Variants in TAOK1 observed in about 807,000 individuals in gnomAD.
TAOK1 encodes the protein TAO kinase 1, also known as serine/threonine-protein kinase TAO1.
Under a neutral mutation model 138.3 loss-of-function variants are expected in TAOK1, and 21 were observed. That is an observed-to-expected ratio of 0.15 (90% CI 0.11 to 0.22). The LOEUF is 0.22. TAOK1 is among the 10% of genes least tolerant of loss of function. The probability of loss-of-function intolerance (pLI) is 1.00; values close to 1 mark genes in which losing one functional copy is unlikely to be tolerated. For missense variants in TAOK1, 651 were observed against 1,227.7 expected, an observed-to-expected ratio of 0.53 and a Z score of 7.02; for synonymous variants, 361 against 398.4, an observed-to-expected ratio of 0.91 and a Z score of 1.12.
intron 1 of TAOK1, among the ~76,000 whole-genome samples, chr17:29,437,949 G>A (rs1403463773): frequency 5.9e-5 from 9 of 151,996 alleles, no homozygotes; most frequent in Non-Finnish European, 1.3e-4. Context: ...GGCCAGGCTG[G>A]TCTCGGCCTC....
chr17:29,448,427 CT>C (rs892578996), intron 1 of TAOK1, among the ~76,000 whole-genome samples: 5 of 152,048 alleles, frequency 3.3e-5, no homozygotes, highest in Admixed American at 2.0e-4. Flanking sequence ...TTTTCTCAAC[CT>C]TTATTTCTTC....
intron 16 of TAOK1, among the ~76,000 whole-genome samples, chr17:29,518,662 A>G (rs2031861694): frequency 6.6e-6 from 1 of 152,194 alleles, no homozygotes; most frequent in South Asian, 2.1e-4. Context: ...TTATATCTCC[A>G]GTTTCTGACT....
intron 11 of TAOK1, among the ~76,000 whole-genome samples, chr17:29,496,604 T>TTTA (rs1380039257): frequency 8.8e-6 from 1 of 113,210 alleles, no homozygotes; most frequent in African/African-American, 2.9e-5. Context: ...TTTTTTTTTT[T>TTTA]AAAGACAGGG....
chr17:29,475,846 A>G, intron 4 of TAOK1, 75 bp downstream of exon 4: 2 of 1,113,846 alleles, frequency 1.8e-6, no homozygotes, highest in Non-Finnish European at 2.7e-6. Context: ...AATATCTCAT[A>G]CTGGTTGTGT....
chr17:29,536,926 T>A (rs1057339505), intron 19 of TAOK1, among the ~76,000 whole-genome samples: 2 of 152,052 alleles, frequency 1.3e-5, no homozygotes, highest in African/African-American at 4.8e-5. Flanking sequence ...GGTCTCGATC[T>A]CCTGACCTCG....
chr17:29,440,619 A>G (rs1482113927), intron 1 of TAOK1, among the ~76,000 whole-genome samples: 1 of 150,386 alleles, frequency 6.6e-6, no homozygotes, highest in Non-Finnish European at 1.5e-5. Context: ...TCTTTTGCCC[A>G]GGCTGGAGTG....
At chr17:29,486,356 A>G (rs531195106) in intron 8 of TAOK1, among the ~76,000 whole-genome samples, 1 of 152,080 alleles carries the variant, frequency 6.6e-6, no homozygotes, top group African/African-American at 2.4e-5. Context: ...GGCCGAGTGC[A>G]GTTCAGTGGC....
In TAOK1 at chr17:29,501,281, G is replaced by A. The variant is rs149229597; in HGVS notation, c.1204-1308G>A. ...AAACAGCCAGGTGTGGCATATGCCT[G>A]TGGCCCCATCTACTCAAGAGGCTGA... On this transcript the variant is annotated intron_variant, in intron 12 of 19. Coordinates refer to ENST00000261716, the MANE Select transcript of TAOK1 (RefSeq NM_020791.4). Among the ~76,000 whole-genome samples, 11 of 151,062 alleles carry A rather than the reference G, an allele frequency of 7.3e-5. No homozygotes were observed. The East Asian group carries it at 1.9e-3, about 27-fold the overall frequency.
At chr17:29,451,913 G>A (rs969300255) in intron 2 of TAOK1, among the ~76,000 whole-genome samples, 1 of 152,078 alleles carries the variant, frequency 6.6e-6, no homozygotes, top group Non-Finnish European at 1.5e-5. Context: ...TTGAAAAAAT[G>A]AGAAAGAATA....
chr17:29,526,724 A>G (rs71371121), intron 17 of TAOK1, among the ~76,000 whole-genome samples: 22,917 of 147,862 alleles, frequency 0.15, 2,032 homozygotes, highest in Middle Eastern at 0.23. Flanking sequence ...TAAGAATGGT[A>G]TTTTAAAATG....
chr17:29,490,715 C>T (rs1478990321), intron 9 of TAOK1, among the ~76,000 whole-genome samples: 1 of 152,150 alleles, frequency 6.6e-6, no homozygotes, highest in African/African-American at 2.4e-5. Context: ...AACAGAGTAT[C>T]AGAGGCTTGG....
Position 29,491,789 on chromosome 17 carries a change from A to G in TAOK1, c.755A>G (p.Asp252Gly). ...GATACTTTCCTTTACAATAGGTCTGATTATTTTCGCAACTTTGTAGATTCT... is the reference window on the plus strand; with the variant it reads ...GATACTTTCCTTTACAATAGGTCTGGTTATTTTCGCAACTTTGTAGATTCT... ...SPTLQSNEWSDYFRNFVDSCL... is the reference protein window; with the variant it reads ...SPTLQSNEWSGYFRNFVDSCL... The change falls in exon 10 of 20, where the codon GAT becomes GGT. Residue 252 changes from aspartate (D) to glycine (G), a missense_variant. Asp to Gly is a moderately conservative substitution (Grantham distance 94). Around this residue, in one of 8 missense-constraint regions of TAOK1, gnomAD observed 39 missense variants for 52.5 expected, o/e 0.74. Coordinates refer to ENST00000261716, the MANE Select transcript of TAOK1 (RefSeq NM_020791.4). 6.2e-7 allele frequency: 1 copy of G among 1,612,964 alleles called. No homozygotes were observed. Among genetic ancestry groups the G allele is most frequent in the Non-Finnish European group, 8.5e-7 (1 of 1,179,156 alleles).
intron 1 of TAOK1, among the ~76,000 whole-genome samples, chr17:29,430,592 T>A (rs559235095): frequency 5.7e-4 from 87 of 151,818 alleles, no homozygotes; most frequent in African/African-American, 2.0e-3. Flanking sequence ...TCAAAGGGAG[T>A]CGCCTCTGGT....
intron 1 of TAOK1, among the ~76,000 whole-genome samples, chr17:29,406,750 T>C (rs1361352765): frequency 6.6e-6 from 1 of 152,152 alleles, no homozygotes; most frequent in African/African-American, 2.4e-5. Context: ...CTAATTTTTG[T>C]AGTGACAGGG....
intron 1 of TAOK1, among the ~76,000 whole-genome samples, chr17:29,410,157 TG>T: frequency 6.6e-6 from 1 of 152,222 alleles, no homozygotes; most frequent in African/African-American, 2.4e-5. Flanking sequence ...ACTTAATCTC[TG>T]GGCCTCAGTT....
At chr17:29,488,294 G>A (rs114058996) in intron 8 of TAOK1, among the ~76,000 whole-genome samples, 1,628 of 152,158 alleles carry the variant, frequency 0.011, 34 homozygotes, top group African/African-American at 0.037. Context: ...TTTTTGGCTG[G>A]GCGTAGTGGC....
intron 4 of TAOK1, 89 bp from the exon 5 acceptor site, chr17:29,477,572 T>G: frequency 9.0e-6 from 6 of 667,974 alleles, no homozygotes; most frequent in Non-Finnish European, 1.2e-5. Context: ...ACTATGTTCT[T>G]GATCTACTGT....
intron 2 of TAOK1, among the ~76,000 whole-genome samples, chr17:29,457,352 C>T (rs2030409462): frequency 1.3e-5 from 2 of 148,662 alleles, no homozygotes; most frequent in Admixed American, 6.7e-5. Context: ...ATCCGCCCGC[C>T]TCGGCCTCCC....
chr17:29,525,633 G>A (rs2031996587), intron 17 of TAOK1, among the ~76,000 whole-genome samples: 1 of 152,170 alleles, frequency 6.6e-6, no homozygotes, highest in Non-Finnish European at 1.5e-5. Context: ...GACCTCAGGT[G>A]ATCCACCCAC....
Sources: allele counts gnomAD v4.1 joint callset (sites outside exome capture counted in the v4.1 genomes callset), GRCh38; gene constraint gnomAD v4.1.1; regional missense constraint gnomAD v4.1.1; transcripts MANE v1.5; gene names NCBI Gene and HGNC (gene_info 2026-07-23, HGNC 2026-07-21).